Variants in MMACHC observed in about 807,000 individuals in gnomAD.
The protein encoded by MMACHC is metabolism of cobalamin associated C.
MMACHC carries 14 observed loss-of-function variants against 17.6 expected under a neutral mutation model. That is an observed-to-expected ratio of 0.80 (90% CI 0.53 to 1.25). The LOEUF is 1.25. MMACHC is among the 50% of genes most tolerant of loss of function. MMACHC has a pLI of 0.00. For synonymous variants in MMACHC, 151 were observed against 142.1 expected (o/e 1.06, Z -0.45); for missense variants, 392 against 364.5 (o/e 1.08, Z -0.62).
chr1:45,508,561 A>C (rs1643672293), intron 3 of MMACHC, among the ~76,000 whole-genome samples, 197 bp downstream of exon 3: 1 of 152,218 alleles, frequency 6.6e-6, no homozygotes, highest in African/African-American at 2.4e-5. Flanking sequence ...TAGTCTGCAG[A>C]ACTGTCTTAG....
chr1:45,500,370 A>T lies in MMACHC; in HGVS notation c.38A>T (p.Glu13Val). 7 of 1,614,176 alleles carry T rather than the reference A, an allele frequency of 4.3e-6. No homozygotes were observed. The highest frequency in any genetic ancestry group is 5.9e-6 in the Non-Finnish European group (7 of 1,180,028). Residue 13 changes from glutamate (E) to valine (V), a missense_variant, in exon 1 of 4, where the codon GAG becomes GTG. By Grantham distance (121) the Glu-to-Val change is moderately radical. Transcript: ENST00000401061. ...GTCGCAGAGCTGAAGCAGAAGATCG[A>T]GGACACGCTATGTCCTTTTGGCTTC... ...PKVAELKQKI[E>V]DTLCPFGFEV...
intron 1 of MMACHC, 129 bp from the exon 2 acceptor site, chr1:45,507,227 G>A (rs559125854): frequency 2.6e-4 from 199 of 778,788 alleles, no homozygotes; most frequent in South Asian, 7.0e-4. Flanking sequence ...ATCACATAGC[G>A]TCAGTGAAAA....
At chr1:45,508,176 T>A (rs1231410596) in intron 2 of MMACHC, 36 bp from the exon 3 acceptor site, 1 of 1,612,464 alleles carries the variant, frequency 6.2e-7, no homozygotes, top group Admixed American at 1.7e-5. Context: ...ACTCCCCTCA[T>A]GCTGACAGTA....
rs1014724539 is a variant in MMACHC at position 45,513,143 on chromosome 1, A to T, written c.*3928A>T. The T allele has an allele frequency of 5.3e-5, 8 of 152,190 alleles. No homozygotes were observed. Among genetic ancestry groups the T allele is most frequent in the African/African-American group, 1.9e-4 (8 of 41,434 alleles). 9.4% of individuals were successfully genotyped at this position (152,190 alleles called of 1,614,324 possible). On this transcript the variant is annotated 3_prime_UTR_variant, in exon 4 of 4. Transcript: ENST00000401061. The stretch of plus-strand genomic sequence containing the variant: ...AACAGAGCAAGACTCCATCTTGCAA[A>T]AAATAAATAAATAAATAAAAATATG...
chr1:45,500,669 A>T (rs1331177019), intron 1 of MMACHC, among the ~76,000 whole-genome samples: 3 of 152,094 alleles, frequency 2.0e-5, no homozygotes. Context: ...GTTCGAGACC[A>T]GCCTGGCCAA....
intron 2 of MMACHC, among the ~76,000 whole-genome samples, chr1:45,507,944 T>C (rs1643659528): frequency 6.6e-6 from 1 of 152,218 alleles, no homozygotes; most frequent in Admixed American, 6.5e-5. Flanking sequence ...CACTCACATA[T>C]ACACATAACT....
Position 45,507,432 on chromosome 1 carries a change from T to C in MMACHC, c.158T>C (p.Leu53Pro), listed in dbSNP as rs756980496. Residue 53 changes from leucine (L) to proline (P), a missense_variant, in exon 2 of 4, where the codon CTC (leucine) becomes CCC (proline). Physicochemically the swap from Leu to Pro is moderately conservative, Grantham distance 98 (BLOSUM62 -3). Transcript: ENST00000401061. ...GGACCTACCCTGGCCTTCCTGGTAC[T>C]CAGCACGCCTGCCATGTTTGACCGG... ...LPGPTLAFLV[L>P]STPAMFDRAL... 1.2e-6 allele frequency: 2 copies of C among 1,614,184 alleles called. No individual in the cohort carries two copies. Among genetic ancestry groups the C allele is most frequent in the Non-Finnish European group, 1.7e-6 (2 of 1,180,040 alleles).
Position 45,509,119 on chromosome 1 carries a change from CT to C in MMACHC, c.756del (p.Phe252LeufsTer39). 6.2e-7 allele frequency: 1 copy of C among 1,612,708 alleles called. No homozygotes were observed. Among genetic ancestry groups the C allele is most frequent in the African/African-American group, 1.3e-5 (1 of 74,950 alleles). On this transcript the variant is annotated frameshift_variant, in exon 4 of 4. Transcript: ENST00000401061. LOFTEE classifies it low-confidence loss of function (END_TRUNC). ...KPSSPSPDLP[F>X]TTPAPKKPGN... Reference sequence around the variant, plus strand: ...CTAGTTCTCCCTCCCCGGACCTTCCCTTTACCACACCCGCCCCCAAGAAGCC... The same window carrying C: ...CTAGTTCTCCCTCCCCGGACCTTCCCTTACCACACCCGCCCCCAAGAAGCC...
rs928669393 is a variant in MMACHC at position 45,508,436 on chromosome 1, T to C, written c.429+72T>C. 7 of 1,549,626 alleles carry C rather than the reference T, an allele frequency of 4.5e-6. No homozygotes were observed. The African/African-American group carries it at 9.5e-5, about 21-fold the overall frequency. On this transcript the variant is annotated intron_variant, in intron 3 of 3. Transcript: ENST00000401061. The stretch of plus-strand genomic sequence containing the variant: ...CTCTCCCTACCAGGTCCCACATTCC[T>C]CAGCCTTCCCTGGATGGATGTGACA...
At chr1:45,500,925 C>T (rs984019923) in intron 1 of MMACHC, among the ~76,000 whole-genome samples, 1 of 151,352 alleles carries the variant, frequency 6.6e-6, no homozygotes, top group Non-Finnish European at 1.5e-5. Flanking sequence ...CATATAATGC[C>T]GGATTCGTTA....
At position 45,511,224 on chromosome 1, in the gene MMACHC, G is replaced by C; in HGVS notation, c.*2009G>C. ...CCTGCCTTGTAAGACACCACAATTC[G>C]GCTGAATCTGAAGTCTTGTGTTTTA... On this transcript the variant is annotated 3_prime_UTR_variant, in exon 4 of 4. Coordinates refer to ENST00000401061, the MANE Select transcript of MMACHC (RefSeq NM_015506.3). 1.0e-6 allele frequency: 1 copy of C among 965,070 alleles called. No homozygotes were observed. Among genetic ancestry groups the C allele is most frequent in the South Asian group, 1.7e-5 (1 of 58,726 alleles). The allele number at this position is 965,070 out of a possible 1,614,324, so 59.8% of individuals were successfully genotyped here. A position where few individuals can be genotyped will look rare whatever the true frequency, so the allele number is the denominator to read the frequency against.
chr1:45,507,469 C>G lies in MMACHC; in HGVS notation c.195C>G (p.Pro65=), dbSNP rs1272034804. The change falls in exon 2 of 4, where the codon CCC becomes CCG. Residue 65 remains proline (P), a synonymous_variant. Transcript: ENST00000401061. ...CCATGTTTGACCGGGCCCTCAAGCC[C>G]TTCTTGCAGAGCTGCCACCTCCGAA... is the stretch of plus-strand genomic sequence containing the variant. The part of the protein sequence containing the change: ...TPAMFDRALK[P]FLQSCHLRML... 21 of 1,614,060 alleles carry G rather than the reference C, an allele frequency of 1.3e-5. No homozygotes were observed. The highest frequency in any genetic ancestry group is 1.8e-5 in the Non-Finnish European group (21 of 1,180,030).
At chr1:45,505,968 C>T (rs895634526) in intron 1 of MMACHC, among the ~76,000 whole-genome samples, 2 of 151,888 alleles carry the variant, frequency 1.3e-5, no homozygotes, top group African/African-American at 4.8e-5. Flanking sequence ...GTTATATAGC[C>T]TGGAACTATG....
In MMACHC at chr1:45,500,326, G is replaced by C; in HGVS notation, c.-7G>C. Reference sequence around the variant, plus strand: ...TTCCCCAGCAAGCTCAGCGTGTAACGTGCGCTATGGAGCCGAAAGTCGCAG... The same window carrying C: ...TTCCCCAGCAAGCTCAGCGTGTAACCTGCGCTATGGAGCCGAAAGTCGCAG... On this transcript the variant is annotated 5_prime_UTR_variant, in exon 1 of 4. Transcript: ENST00000401061. The C allele has an allele frequency of 6.2e-7, 1 of 1,614,032 alleles. No homozygotes were observed. Among genetic ancestry groups the C allele is most frequent in the Non-Finnish European group, 8.5e-7 (1 of 1,180,010 alleles).
rs200109668 is a variant in MMACHC at position 45,507,539 on chromosome 1, C to A, written c.265C>A (p.Arg89Ser). ...VDQCVAYHLGRVRESLPELQI... is the reference protein window; with the variant it reads ...VDQCVAYHLGSVRESLPELQI... ...CCAGTGTGTGGCCTACCATCTGGGC[C>A]GTGTTAGAGAGGTGAGGAAGGCTCA... The change falls in exon 2 of 4, where the codon CGT (arginine) becomes AGT (serine). Residue 89 changes from arginine to serine, a missense_variant. Transcript: ENST00000401061. 4.3e-6 allele frequency: 7 copies of A among 1,614,158 alleles called. No individual in the cohort carries two copies. In the African/African-American group the frequency reaches 5.3e-5, roughly 12 times the overall value.
At chr1:45,508,407 A>G (rs1168122742) in intron 3 of MMACHC, 43 bp downstream of exon 3, 3 of 1,606,568 alleles carry the variant, frequency 1.9e-6, no homozygotes, top group Non-Finnish European at 2.6e-6. Context: ...AGACTGGTAA[A>G]GGCCTCTCCC....
At position 45,509,445 on chromosome 1, in the gene MMACHC, AC is replaced by A; in HGVS notation, c.*231del. ...TTTTTTTTTTTTTAGACAGAGTCTT[AC>A]TCTGTCACCTAGGCTGGAGTGCAGT... is the stretch of plus-strand genomic sequence containing the variant. On this transcript the variant is annotated 3_prime_UTR_variant, in exon 4 of 4. Transcript: ENST00000401061. 1 of 446,564 alleles carries A rather than the reference AC, an allele frequency of 2.2e-6. No individual in the cohort carries two copies. The highest frequency in any genetic ancestry group is 3.8e-6 in the Non-Finnish European group (1 of 265,936). The allele number at this position is 446,564 out of a possible 1,614,324, so 27.7% of individuals were successfully genotyped here. A position where few individuals can be genotyped will look rare whatever the true frequency, so the allele number is the denominator to read the frequency against.
Position 45,508,809 on chromosome 1 carries a change from T to C in MMACHC, c.443T>C (p.Val148Ala). 1 of 1,614,018 alleles carries C rather than the reference T, an allele frequency of 6.2e-7. No individual in the cohort carries two copies. The highest frequency in any genetic ancestry group is 8.5e-7 in the Non-Finnish European group (1 of 1,179,942). Residue 148 changes from valine (V) to alanine (A), a missense_variant, in exon 4 of 4, where the codon GTG becomes GCG. By Grantham distance (64) the Val-to-Ala change is moderately conservative. Transcript: ENST00000401061. ...CCCTCTCCCCAGCGCATATCAGGTG[T>C]GTGCATACACCCCCGATTTGGGGGC... ...DPWGNQRISG[V>A]CIHPRFGGWF... is the part of the protein sequence containing the mutation.
chr1:45,509,269 C>A lies in MMACHC; in HGVS notation c.*54C>A. 1 of 1,605,280 alleles carries A rather than the reference C, an allele frequency of 6.2e-7. No individual in the cohort carries two copies. Among genetic ancestry groups the A allele is most frequent in the Non-Finnish European group, 8.5e-7 (1 of 1,172,680 alleles). On this transcript the variant is annotated 3_prime_UTR_variant, in exon 4 of 4. Coordinates refer to ENST00000401061, the MANE Select transcript of MMACHC (RefSeq NM_015506.3). The stretch of plus-strand genomic sequence containing the variant: ...GTGGTACTTGCTAGGACTTAATTGG[C>A]TTTGGCAAAGCAAAAGGTTTTGAGT...
Sources: gnomAD v4.1 joint callset for allele counts (sites outside exome capture counted in the v4.1 genomes callset) on GRCh38, gnomAD v4.1.1 for gene constraint, MANE v1.5 for transcripts, NCBI Gene and HGNC (gene_info 2026-07-23, HGNC 2026-07-21) for gene names.